The following ALMS1 variants were observed in gnomAD, a reference collection of about 807,000 sequenced individuals.
ALMS1 encodes ALMS1 centrosome and basal body associated protein, also known as centrosome-associated protein ALMS1.
ALMS1 carries 271 observed loss-of-function variants against 352.2 expected under a neutral mutation model. The observed-to-expected ratio is 0.77, with a 90% CI of 0.70 to 0.85. The LOEUF (loss-of-function observed/expected upper bound fraction) is 0.85, where lower values mean the gene tolerates loss of function less well. Ranked by LOEUF, ALMS1 falls within the 40% of genes least tolerant of loss-of-function variation. ALMS1 has a pLI of 0.00. For synonymous variants in ALMS1, 1,865 were observed against 1,761.2 expected, an observed-to-expected ratio of 1.06 and a Z score of -1.48; for missense variants, 5,445 against 4,870.7, an observed-to-expected ratio of 1.12 and a Z score of -3.51.
At chr2:73,509,235 T>C (rs1007304774) in intron 10 of ALMS1, among the ~76,000 whole-genome samples, 35 of 152,330 alleles carry the variant, frequency 2.3e-4, no homozygotes, top group African/African-American at 7.9e-4. Context: ...ATTGGGGCAT[T>C]TAGCTCATTT....
chr2:73,443,253 C>G (rs1671751205), intron 7 of ALMS1, among the ~76,000 whole-genome samples: 1 of 152,156 alleles, frequency 6.6e-6, no homozygotes, highest in Non-Finnish European at 1.5e-5. Flanking sequence ...AAGGTCCCTG[C>G]TTACCTTCTT....
rs754563570 is a variant in ALMS1, at chr2:73,389,707, C to T, written c.324+3515C>T. Among the ~76,000 whole-genome samples, 6 of 151,998 alleles carry T rather than the reference C, an allele frequency of 3.9e-5. No individual in the cohort carries two copies. The East Asian group carries it at 5.8e-4, about 15-fold the overall frequency. ...ATGAACTATCTTTTTTTTCCCCCGC[C>T]GAGATGAAGTCTTGCTCTGTTGCCC... On this transcript the variant is annotated intron_variant, in intron 1 of 22. Coordinates refer to ENST00000613296, the MANE Select transcript of ALMS1 (RefSeq NM_001378454.1).
intron 9 of ALMS1, among the ~76,000 whole-genome samples, chr2:73,481,257 G>T (rs186187645): frequency 6.6e-6 from 1 of 152,088 alleles, no homozygotes; most frequent in African/African-American, 2.4e-5. Flanking sequence ...TTTTGTATAC[G>T]GTGTAAGGAA....
intron 6 of ALMS1, among the ~76,000 whole-genome samples, chr2:73,431,911 A>G (rs1429455829): frequency 2.0e-5 from 3 of 152,210 alleles, no homozygotes; most frequent in Non-Finnish European, 4.4e-5. Flanking sequence ...CATACTATCT[A>G]TAATATTTTA....
rs533606326 is a variant in ALMS1, at chr2:73,452,453, C to G, written c.5926C>G (p.Gln1976Glu). The G allele has an allele frequency of 2.5e-6, 4 of 1,614,022 alleles. No homozygotes were observed. In the South Asian group the frequency reaches 4.4e-5, roughly 18 times the overall value. Residue 1976 changes from glutamine to glutamate, a missense_variant, in exon 8 of 23, where the codon CAG becomes GAG. Physicochemically the swap from Gln to Glu is conservative, Grantham distance 29. Transcript: ENST00000613296. ...TTCACCTGTTTCTATACCAGCAGAG[C>G]AGAAGACTGGGATACCAATAGGACT... ...KVSPVSIPAE[Q>E]KTGIPIGLSS...
chr2:73,497,897 T>C (rs1422759340), intron 10 of ALMS1, among the ~76,000 whole-genome samples: 1 of 152,012 alleles, frequency 6.6e-6, no homozygotes, highest in Non-Finnish European at 1.5e-5. Context: ...TAGATTTCTT[T>C]GGTACATCTT....
intron 7 of ALMS1, among the ~76,000 whole-genome samples, chr2:73,443,578 T>C (rs1671757258): frequency 6.7e-6 from 1 of 148,320 alleles, no homozygotes; most frequent in Non-Finnish European, 1.5e-5. Flanking sequence ...ATTTAGTAAT[T>C]GCTTTTTTTT....
At chr2:73,486,416 C>G (rs1478235297) in intron 9 of ALMS1, among the ~76,000 whole-genome samples, 2 of 152,052 alleles carry the variant, frequency 1.3e-5, no homozygotes, top group Non-Finnish European at 2.9e-5. Context: ...GTGAGTGGGT[C>G]TAGTTTTTTC....
chr2:73,520,120 T>C lies in ALMS1; in HGVS notation c.9781+104T>C. ...TTCTAGTCAGAAAACCTAATTTTAATTTAAGAATTAGGGTCCATATGATTA... is the reference window on the plus strand; with the variant it reads ...TTCTAGTCAGAAAACCTAATTTTAACTTAAGAATTAGGGTCCATATGATTA... On this transcript the variant is annotated intron_variant, in intron 11 of 22. Transcript: ENST00000613296. 2.8e-6 allele frequency: 4 copies of C among 1,444,720 alleles called. No homozygotes were observed. The South Asian group carries it at 3.5e-5, about 13-fold the overall frequency. The allele number at this position is 1,444,720 out of a possible 1,614,324, so 89.5% of individuals were successfully genotyped here.
At chr2:73,399,473 G>A (rs770356066) in intron 1 of ALMS1, among the ~76,000 whole-genome samples, 3 of 151,996 alleles carry the variant, frequency 2.0e-5, no homozygotes, top group Non-Finnish European at 2.9e-5. Flanking sequence ...CGTCTCACAT[G>A]GCGAGAGCAG....
At chr2:73,559,615 C>T (rs1674616936) in intron 15 of ALMS1, among the ~76,000 whole-genome samples, 1 of 152,092 alleles carries the variant, frequency 6.6e-6, no homozygotes, top group African/African-American at 2.4e-5. Flanking sequence ...AGCCATCAAG[C>T]TTTACCTCTT....
At chr2:73,585,737 T>TTTTTTA (rs1675297296) in intron 16 of ALMS1, among the ~76,000 whole-genome samples, 1 of 147,624 alleles carries the variant, frequency 6.8e-6, no homozygotes. Flanking sequence ...TTTTTTTTTT[T>TTTTTTA]TTTTCCCCGA....
At chr2:73,554,231 CAAAAA>C (rs772330546) in intron 13 of ALMS1, among the ~76,000 whole-genome samples, 1 of 91,384 alleles carries the variant, frequency 1.1e-5, no homozygotes, top group Non-Finnish European at 2.6e-5. Flanking sequence ...AATTCCAGGA[CAAAAA>C]AAAAAAAATT....
Position 73,450,053 on chromosome 2 carries a change from G to A in ALMS1, c.3526G>A (p.Gly1176Arg). ...GGCTCAGAAAGTTTCAGCTGTTACT[G>A]GACCAGGTAACCAGAAGACTTGGAT... ...EEAQKVSAVT[G>R]PGNQKTWIPR... The change falls in exon 8 of 23, where the codon GGA (glycine) becomes AGA (arginine). Residue 1176 changes from glycine (G) to arginine (R), a missense_variant. Coordinates refer to ENST00000613296, the MANE Select transcript of ALMS1 (RefSeq NM_001378454.1). The A allele has an allele frequency of 1.2e-6, 2 of 1,613,840 alleles. No individual in the cohort carries two copies. The highest frequency in any genetic ancestry group is 1.7e-6 in the Non-Finnish European group (2 of 1,179,938).
At chr2:73,569,719 T>A (rs1446695717) in intron 15 of ALMS1, among the ~76,000 whole-genome samples, 2 of 152,236 alleles carry the variant, frequency 1.3e-5, no homozygotes, top group African/African-American at 4.8e-5. Flanking sequence ...GCACTCTCCC[T>A]TATTGCCTCA....
rs375354717 is a variant in ALMS1, at chr2:73,452,097, C to T, written c.5570C>T (p.Ser1857Phe). 4.3e-6 allele frequency: 7 copies of T among 1,614,026 alleles called. No homozygotes were observed. The South Asian group carries it at 7.7e-5, about 18-fold the overall frequency. Residue 1857 changes from serine to phenylalanine, a missense_variant, in exon 8 of 23, where the codon TCT becomes TTT. Transcript: ENST00000613296. ...PSNSYPQREHSVISYEQELPD... is the reference protein window; with the variant it reads ...PSNSYPQREHFVISYEQELPD... ...AATTCCTACCCACAGAGAGAGCACTCTGTCATTTCTTATGAGCAGGAGTTG... is the reference window on the plus strand; with the variant it reads ...AATTCCTACCCACAGAGAGAGCACTTTGTCATTTCTTATGAGCAGGAGTTG...
intron 10 of ALMS1, among the ~76,000 whole-genome samples, chr2:73,511,466 C>G (rs1341484909): frequency 6.6e-6 from 1 of 152,062 alleles, no homozygotes; most frequent in East Asian, 1.9e-4. Context: ...GACACCCCCA[C>G]CCTGCTGCTG....
In ALMS1 at chr2:73,449,252, T is replaced by C. The variant is rs773114287; in HGVS notation, c.2725T>C (p.Ser909Pro). The C allele has an allele frequency of 6.2e-7, 1 of 1,614,076 alleles. No individual in the cohort carries two copies. The highest frequency in any genetic ancestry group is 8.5e-7 in the Non-Finnish European group (1 of 1,179,984). ...ACCCTCAGCACCATCTAGTTTCTACTCACACAGAGAGAAGCCCATTATTTT... is the reference window on the plus strand; with the variant it reads ...ACCCTCAGCACCATCTAGTTTCTACCCACACAGAGAGAAGCCCATTATTTT... Reference protein sequence around the residue: ...GIPSAPSSFYSHREKPIIFSQ... With the variant: ...GIPSAPSSFYPHREKPIIFSQ... The change falls in exon 8 of 23, where the codon TCA becomes CCA. Residue 909 changes from serine (S) to proline (P), a missense_variant. Ser to Pro is a moderately conservative substitution (Grantham distance 74). Transcript: ENST00000613296.
intron 17 of ALMS1, 63 bp from the exon 18 acceptor site, chr2:73,600,615 G>C: frequency 6.8e-7 from 1 of 1,477,274 alleles, no homozygotes; most frequent in Non-Finnish European, 9.2e-7. Context: ...GTACTCACTT[G>C]AATAAATCTG....
Sources: gnomAD v4.1 joint callset for allele counts (sites outside exome capture counted in the v4.1 genomes callset) on GRCh38, gnomAD v4.1.1 for gene constraint, MANE v1.5 for transcripts, NCBI Gene and HGNC (gene_info 2026-07-23, HGNC 2026-07-21) for gene names.